KCNH8: variants seen among roughly 807,000 people sequenced by gnomAD.
The protein encoded by KCNH8 is voltage-gated delayed rectifier potassium channel KCNH8.
In KCNH8, 70 loss-of-function variants were observed where a neutral mutation model predicts 103.6. The observed-to-expected ratio is 0.68, with a 90% CI of 0.56 to 0.82. KCNH8 has a LOEUF of 0.82. Ranked by LOEUF, KCNH8 falls within the 40% of genes least tolerant of loss-of-function variation. The pLI, the probability that KCNH8 is intolerant of heterozygous loss-of-function variation, is 0.00. For missense variants in KCNH8, 1,217 were observed against 1,329.9 expected (o/e 0.92, Z 1.32); for synonymous variants, 498 against 489.4 (o/e 1.02, Z -0.23).
chr3:19,189,656 A>G (rs1430919243), intron 1 of KCNH8, among the ~76,000 whole-genome samples: 1 of 152,014 alleles, frequency 6.6e-6, no homozygotes, highest in Non-Finnish European at 1.5e-5. Context: ...TCTGACCTAT[A>G]ATCACCTTCA....
intron 7 of KCNH8, among the ~76,000 whole-genome samples, chr3:19,426,055 T>A (rs1013714764): frequency 6.6e-6 from 1 of 152,164 alleles, no homozygotes; most frequent in African/African-American, 2.4e-5. Context: ...GTTCCTGGAT[T>A]CTTAGCTCTT....
At chr3:19,196,145 C>A (rs916390355) in intron 1 of KCNH8, among the ~76,000 whole-genome samples, 2 of 151,738 alleles carry the variant, frequency 1.3e-5, no homozygotes, top group African/African-American at 2.4e-5. Context: ...GCCAGATTCT[C>A]TTCAAGAGAC....
At chr3:19,492,255 A>T (rs754647875) in intron 11 of KCNH8, among the ~76,000 whole-genome samples, 4 of 152,156 alleles carry the variant, frequency 2.6e-5, no homozygotes, top group Non-Finnish European at 5.9e-5. Context: ...TGCCAACACT[A>T]ATGTCAAGAA....
At chr3:19,228,211 ATAT>A (rs1559432147) in intron 1 of KCNH8, among the ~76,000 whole-genome samples, 2 of 152,198 alleles carry the variant, frequency 1.3e-5, no homozygotes, top group East Asian at 1.9e-4. Context: ...CAAAAGAATG[ATAT>A]TATTATTTAA....
chr3:19,271,462 A>G (rs369077341), intron 2 of KCNH8, among the ~76,000 whole-genome samples: 3 of 152,284 alleles, frequency 2.0e-5, no homozygotes, highest in East Asian at 3.9e-4. Context: ...TGTTTCATAC[A>G]TACACAAAGG....
At chr3:19,169,975 C>G (rs1294781149) in intron 1 of KCNH8, among the ~76,000 whole-genome samples, 1 of 152,122 alleles carries the variant, frequency 6.6e-6, no homozygotes, top group East Asian at 1.9e-4. Context: ...ATTTATTTTT[C>G]ACAAATACCA....
At chr3:19,461,670 T>A (rs1239779973) in intron 11 of KCNH8, among the ~76,000 whole-genome samples, 8 of 152,186 alleles carry the variant, frequency 5.3e-5, no homozygotes, top group Non-Finnish European at 1.2e-4. Context: ...ATGTTTTTTG[T>A]TTCTTTGTTA....
intron 11 of KCNH8, among the ~76,000 whole-genome samples, chr3:19,457,209 G>C (rs987386125): frequency 2.0e-5 from 3 of 151,878 alleles, no homozygotes; most frequent in African/African-American, 7.2e-5. Flanking sequence ...TCTCAACTCA[G>C]TTTCTTTCTT....
chr3:19,490,693 T>G (rs2068301314), intron 11 of KCNH8, among the ~76,000 whole-genome samples: 1 of 151,968 alleles, frequency 6.6e-6, no homozygotes, highest in South Asian at 2.1e-4. Context: ...AGGGGTGGTC[T>G]CCCCCCCTTA....
chr3:19,284,706 A>G (rs1379590456), intron 3 of KCNH8, among the ~76,000 whole-genome samples: 1 of 152,116 alleles, frequency 6.6e-6, no homozygotes, highest in African/African-American at 2.4e-5. Context: ...GTCAAGTGTT[A>G]CTTATGGAGT....
chr3:19,200,074 TAA>T (rs1422756519), intron 1 of KCNH8, among the ~76,000 whole-genome samples: 1 of 152,054 alleles, frequency 6.6e-6, no homozygotes, highest in Non-Finnish European at 1.5e-5. Context: ...TGATTAAAAA[TAA>T]AATTTACTTT....
intron 3 of KCNH8, among the ~76,000 whole-genome samples, chr3:19,325,996 A>G (rs936578671): frequency 9.9e-5 from 15 of 152,166 alleles, no homozygotes; most frequent in African/African-American, 3.1e-4. Flanking sequence ...ACAAAATACT[A>G]TGCACCCATA....
chr3:19,406,277 C>T (rs2066690034), intron 7 of KCNH8, among the ~76,000 whole-genome samples: 1 of 151,970 alleles, frequency 6.6e-6, no homozygotes, highest in African/African-American at 2.4e-5. Flanking sequence ...CTCATTTAAT[C>T]CATTTCTTCC....
At chr3:19,478,776 G>T (rs555299570) in intron 11 of KCNH8, among the ~76,000 whole-genome samples, 17 of 152,076 alleles carry the variant, frequency 1.1e-4, no homozygotes, top group Admixed American at 3.3e-4. Flanking sequence ...AATGTAAATA[G>T]AAGTCATGTG....
intron 7 of KCNH8, among the ~76,000 whole-genome samples, chr3:19,437,819 T>C (rs2067223499): frequency 1.3e-5 from 2 of 152,312 alleles, no homozygotes; most frequent in South Asian, 4.1e-4. Flanking sequence ...TAATTCCAAA[T>C]GAGATGAGCT....
chr3:19,339,286 T>G (rs944449425), intron 3 of KCNH8, among the ~76,000 whole-genome samples: 1 of 152,130 alleles, frequency 6.6e-6, no homozygotes, highest in Non-Finnish European at 1.5e-5. Flanking sequence ...TATTGACTGT[T>G]GTAAATATCT....
At chr3:19,523,121 C>T (rs2069001850) in intron 15 of KCNH8, among the ~76,000 whole-genome samples, 1 of 151,782 alleles carries the variant, frequency 6.6e-6, no homozygotes, top group African/African-American at 2.4e-5. Context: ...TCAACTTGGG[C>T]TCTAGCATTT....
rs557196809 is a variant in KCNH8, at chr3:19,188,757, G to A, written c.76+39962G>A. Among the ~76,000 whole-genome samples, 121 of 151,896 alleles carry A rather than the reference G, an allele frequency of 8.0e-4. 1 individual carries two copies. Among genetic ancestry groups the A allele is most frequent in the African/African-American group, 2.8e-3 (114 of 41,446 alleles). ...TTAAAGCTTTTTTAAAAAATAAATA[G>A]CATATTCCTGAAGAAAACCAGCCTG... On this transcript the variant is annotated intron_variant, in intron 1 of 15. Coordinates refer to ENST00000328405, the MANE Select transcript of KCNH8 (RefSeq NM_144633.3).
chr3:19,482,267 G>A (rs1229668355), intron 11 of KCNH8, among the ~76,000 whole-genome samples: 1 of 152,130 alleles, frequency 6.6e-6, no homozygotes, highest in Non-Finnish European at 1.5e-5. Context: ...CAGGCCCCAG[G>A]GTGTGGCGCC....
Sources: gnomAD v4.1 joint callset for allele counts (sites outside exome capture counted in the v4.1 genomes callset) on GRCh38, gnomAD v4.1.1 for gene constraint, MANE v1.5 for transcripts, NCBI Gene and HGNC (gene_info 2026-07-23, HGNC 2026-07-21) for gene names.